Variants in ARHGAP5 observed in about 807,000 individuals in gnomAD.
The protein encoded by ARHGAP5 is Rho GTPase activating protein 5.
In ARHGAP5, 23 loss-of-function variants were observed where a neutral mutation model predicts 116.6. The observed-to-expected ratio is 0.20, with a 90% CI of 0.14 to 0.28. ARHGAP5 has a LOEUF of 0.28. Ranked by LOEUF, ARHGAP5 falls within the 10% of genes least tolerant of loss-of-function variation. The pLI is 1.00. For missense variants in ARHGAP5, 1,405 were observed against 1,774.8 expected (o/e 0.79, Z 3.74); for synonymous variants, 574 against 602.0 (o/e 0.95, Z 0.68).
Position 32,091,371 on chromosome 14 carries a change from C to T in ARHGAP5, c.702C>T (p.Asn234=), listed in dbSNP as rs1254942805. The change falls in exon 2 of 7, where the codon AAC becomes AAT. Residue 234 remains asparagine, a synonymous_variant. Coordinates refer to ENST00000345122, the MANE Select transcript of ARHGAP5 (RefSeq NM_001030055.2). ...AAACATCAGCACGATTTAATGTCAA[C>T]ATTGAAACATGTTTTACTGCACTGG... ...VVETSARFNV[N]IETCFTALVQ... is the part of the protein sequence containing the mutation. The T allele has an allele frequency of 1.9e-6, 3 of 1,611,834 alleles. No homozygotes were observed. Among genetic ancestry groups the T allele is most frequent in the East Asian group, 2.2e-5 (1 of 44,840 alleles).
At chr14:32,136,363 T>C (rs1463724844) in intron 3 of ARHGAP5, among the ~76,000 whole-genome samples, 1 of 152,230 alleles carries the variant, frequency 6.6e-6, no homozygotes, top group Non-Finnish European at 1.5e-5. Flanking sequence ...TGTTCTGAAA[T>C]CACAAAATGT....
At chr14:32,119,577 C>T (rs749260351) in intron 3 of ARHGAP5, among the ~76,000 whole-genome samples, 75 of 149,884 alleles carry the variant, frequency 5.0e-4, no homozygotes, top group Middle Eastern at 3.4e-3. Context: ...AAGTTATTTT[C>T]ATTCACCGCT....
intron 2 of ARHGAP5, among the ~76,000 whole-genome samples, chr14:32,114,450 A>G (rs893214018): frequency 6.6e-5 from 10 of 152,124 alleles, no homozygotes; most frequent in Admixed American, 6.5e-4. Context: ...ACTTCCTTGC[A>G]CGTTGTTCTG....
intron 3 of ARHGAP5, among the ~76,000 whole-genome samples, chr14:32,126,501 C>G (rs1880161693): frequency 6.6e-6 from 1 of 152,096 alleles, no homozygotes; most frequent in Non-Finnish European, 1.5e-5. Context: ...AGGACCTCAC[C>G]CTACTCCAAT....
At position 32,093,435 on chromosome 14, in the gene ARHGAP5, T is replaced by C. The variant is rs1878365535; in HGVS notation, c.2766T>C (p.Ser922=). ...AATTTACAGCACTGTATTCTTTATC[T>C]CAGTATCATCGGCAAACTGAGGTCT... The part of the protein sequence containing the change: ...TAKFTALYSL[S]QYHRQTEVFT... Residue 922 remains serine, a synonymous_variant, in exon 2 of 7, where the codon TCT becomes TCC. Transcript: ENST00000345122. The C allele has an allele frequency of 5.0e-6, 8 of 1,613,804 alleles. No homozygotes were observed. The highest frequency in any genetic ancestry group is 6.8e-6 in the Non-Finnish European group (8 of 1,179,886).
chr14:32,152,949 C>T (rs888606842), intron 6 of ARHGAP5, among the ~76,000 whole-genome samples: 1 of 151,708 alleles, frequency 6.6e-6, no homozygotes, highest in Non-Finnish European at 1.5e-5. Context: ...CAAAGTTGTT[C>T]TGAGGACTGA....
At chr14:32,136,767 C>G (rs1034037987) in intron 3 of ARHGAP5, among the ~76,000 whole-genome samples, 1 of 152,178 alleles carries the variant, frequency 6.6e-6, no homozygotes, top group East Asian at 1.9e-4. Context: ...CTCACCAACA[C>G]TTGCTGTTTT....
intron 3 of ARHGAP5, among the ~76,000 whole-genome samples, chr14:32,124,347 C>T (rs1406669410): frequency 6.6e-6 from 1 of 152,138 alleles, no homozygotes; most frequent in African/African-American, 2.4e-5. Flanking sequence ...GCAATTTCCA[C>T]AGCAGTTAAC....
At chr14:32,127,890 G>A (rs1163419057) in intron 3 of ARHGAP5, among the ~76,000 whole-genome samples, 13 of 150,098 alleles carry the variant, frequency 8.7e-5, no homozygotes, top group Middle Eastern at 3.4e-3. Flanking sequence ...CTTCTCAGAC[G>A]GGGCGGCTGG....
intron 3 of ARHGAP5, 26 bp downstream of exon 3, chr14:32,117,313 G>C: frequency 6.5e-7 from 1 of 1,540,146 alleles, no homozygotes; most frequent in Non-Finnish European, 8.8e-7. Flanking sequence ...CATTGCAAGA[G>C]ATTTGATTTT....
At chr14:32,101,211 T>A (rs1356740039) in intron 2 of ARHGAP5, among the ~76,000 whole-genome samples, 1 of 152,178 alleles carries the variant, frequency 6.6e-6, no homozygotes, top group Non-Finnish European at 1.5e-5. Context: ...AAATCCACCA[T>A]CAATTAGTGT....
In ARHGAP5 at chr14:32,155,939, C is replaced by G. The variant is rs1566688791; in HGVS notation, c.*991C>G. 6.6e-6 allele frequency: 1 copy of G among 152,456 alleles called. No homozygotes were observed. Among genetic ancestry groups the G allele is most frequent in the Non-Finnish European group, 1.5e-5 (1 of 67,928 alleles). The allele number at this position is 152,456 out of a possible 1,614,324, so 9.4% of individuals were successfully genotyped here. A position where few individuals can be genotyped will look rare whatever the true frequency, so the allele number is the denominator to read the frequency against. On this transcript the variant is annotated 3_prime_UTR_variant, in exon 7 of 7. Transcript: ENST00000345122. ...CTTCAATTTAATTTGTTCCTTGAAT[C>G]TATTTTTATGTGGCCCTTAAAAAAT... is the stretch of plus-strand genomic sequence containing the variant.
rs1878319760 is a variant in ARHGAP5, at chr14:32,092,637, T to C, written c.1968T>C (p.His656=). Reference sequence around the variant, plus strand: ...TATGGACTGCCGCCTTTAAACCACATGGGTGCTTCTGTGTATTTAATTCCA... The same window carrying C: ...TATGGACTGCCGCCTTTAAACCACACGGGTGCTTCTGTGTATTTAATTCCA... ...SQLWTAAFKP[H]GCFCVFNSIE... is the part of the protein sequence containing the mutation. The change falls in exon 2 of 7, where the codon CAT becomes CAC. Residue 656 remains histidine, a synonymous_variant. Coordinates refer to ENST00000345122, the MANE Select transcript of ARHGAP5 (RefSeq NM_001030055.2). This position sits in a 1 kb window ranked among gnomAD's most constrained non-coding sequence, Gnocchi z 4.1. 6.2e-7 allele frequency: 1 copy of C among 1,613,870 alleles called. No homozygotes were observed. Among genetic ancestry groups the C allele is most frequent in the African/African-American group, 1.3e-5 (1 of 74,904 alleles).
chr14:32,091,969 T>G lies in ARHGAP5; in HGVS notation c.1300T>G (p.Phe434Val), dbSNP rs1454358916. Residue 434 changes from phenylalanine (F) to valine (V), a missense_variant, in exon 2 of 7, where the codon TTC becomes GTC. Around this residue, in one of 6 missense-constraint regions of ARHGAP5, gnomAD observed 944 missense variants for 1,095.3 expected, o/e 0.86. Coordinates refer to ENST00000345122, the MANE Select transcript of ARHGAP5 (RefSeq NM_001030055.2). Reference sequence around the variant, plus strand: ...GAGGAGGGTGGAAATGAAGGAAAAATTCAAAAAGACTTTGGAAAAAATTCA... The same window carrying G: ...GAGGAGGGTGGAAATGAAGGAAAAAGTCAAAAAGACTTTGGAAAAAATTCA... ...EKRRVEMKEKFKKTLEKIQFI... is the reference protein window; with the variant it reads ...EKRRVEMKEKVKKTLEKIQFI... The G allele has an allele frequency of 6.2e-7, 1 of 1,613,288 alleles. No individual in the cohort carries two copies. Among genetic ancestry groups the G allele is most frequent in the East Asian group, 2.2e-5 (1 of 44,862 alleles).
chr14:32,094,435 C>A, intron 2 of ARHGAP5, 49 bp downstream of exon 2: 1 of 1,365,872 alleles, frequency 7.3e-7, no homozygotes, highest in Non-Finnish European at 1.0e-6. Context: ...CTTGTTGTTA[C>A]TTTTTTAAAA....
chr14:32,135,606 A>T (rs1262959767), intron 3 of ARHGAP5, among the ~76,000 whole-genome samples: 2 of 152,176 alleles, frequency 1.3e-5, no homozygotes, highest in Non-Finnish European at 1.5e-5. Flanking sequence ...TATTTTTAGT[A>T]GAGACAGGGT....
intron 3 of ARHGAP5, among the ~76,000 whole-genome samples, chr14:32,144,958 T>A (rs1019366823): frequency 2.0e-5 from 3 of 152,260 alleles, no homozygotes; most frequent in Non-Finnish European, 2.9e-5. Flanking sequence ...TCATTTATCA[T>A]TCAAGTTGAC....
Position 32,092,589 on chromosome 14 carries a change from A to T in ARHGAP5, c.1920A>T (p.Lys640Asn). ...YELDLRPVDA[K>N]SPYFLSQLWT... ...TTGATCTTCGGCCGGTTGATGCCAA[A>T]TCGCCTTACTTTTTGAGTCAGTTAT... The change falls in exon 2 of 7, where the codon AAA (lysine) becomes AAT (asparagine). Residue 640 changes from lysine to asparagine, a missense_variant. By Grantham distance (94) the Lys-to-Asn change is moderately conservative. Around this residue, in one of 6 missense-constraint regions of ARHGAP5, gnomAD observed 944 missense variants for 1,095.3 expected, o/e 0.86. Coordinates refer to ENST00000345122, the MANE Select transcript of ARHGAP5 (RefSeq NM_001030055.2). The surrounding 1 kb of genome is among the most constrained non-coding windows in gnomAD (Gnocchi z 4.1). The T allele has an allele frequency of 6.2e-7, 1 of 1,613,718 alleles. No individual in the cohort carries two copies. The highest frequency in any genetic ancestry group is 8.5e-7 in the Non-Finnish European group (1 of 1,179,838).
Position 32,090,736 on chromosome 14 carries a change from A to C in ARHGAP5, c.67A>C (p.Thr23Pro), listed in dbSNP as rs1458342427. ...CATCAGTATAGTTGGACTCTCTGGG[A>C]CTGAAAAAGACAAAGGTAACTGTGG... ...YTISIVGLSG[T>P]EKDKGNCGVG... The change falls in exon 2 of 7, where the codon ACT becomes CCT. Residue 23 changes from threonine to proline, a missense_variant. By Grantham distance (38) the Thr-to-Pro change is conservative. This residue lies in a region of ARHGAP5 where 190 missense variants were observed against 314.9 expected (regional missense o/e 0.60). Transcript: ENST00000345122. The C allele has an allele frequency of 6.2e-7, 1 of 1,613,572 alleles. No individual in the cohort carries two copies.
Sources: allele counts gnomAD v4.1 joint callset (sites outside exome capture counted in the v4.1 genomes callset), GRCh38; gene constraint gnomAD v4.1.1; regional missense constraint gnomAD v4.1.1; non-coding constraint Gnocchi (gnomAD v3.1); transcripts MANE v1.5; gene names NCBI Gene and HGNC (gene_info 2026-07-23, HGNC 2026-07-21).